Variants in RAPGEF6 observed in about 807,000 individuals in gnomAD.
RAPGEF6 encodes PDZ domain containing guanine nucleotide exchange factor (GEF) 2.
Under a neutral mutation model 171.4 loss-of-function variants are expected in RAPGEF6, and 56 were observed. The observed-to-expected ratio is 0.33, with a 90% CI of 0.26 to 0.41. The LOEUF (loss-of-function observed/expected upper bound fraction) is 0.41, where lower values mean the gene tolerates loss of function less well. Among genes scored for constraint, RAPGEF6 ranks in the 10% least tolerant of loss-of-function variants. The probability of loss-of-function intolerance (pLI) is 1.00; values close to 1 mark genes in which losing one functional copy is unlikely to be tolerated. For synonymous variants in RAPGEF6, 692 were observed against 650.1 expected (o/e 1.06, Z -0.98); for missense variants, 1,674 against 1,921.4 (o/e 0.87, Z 2.41).
chr5:131,532,011 A>G, intron 6 of RAPGEF6: 1 of 333,410 alleles, frequency 3.0e-6, no homozygotes, highest in East Asian at 8.6e-5. Flanking sequence ...TTTAAAGTTT[A>G]GAAAAGAGCG....
At chr5:131,530,250 C>G (rs1314814051) in intron 6 of RAPGEF6, among the ~76,000 whole-genome samples, 1 of 150,950 alleles carries the variant, frequency 6.6e-6, no homozygotes, top group Non-Finnish European at 1.5e-5. Flanking sequence ...ACACTGGAGG[C>G]CAGAAGACAG....
intron 6 of RAPGEF6, among the ~76,000 whole-genome samples, chr5:131,543,678 T>C: frequency 6.6e-6 from 1 of 152,182 alleles, no homozygotes; most frequent in Non-Finnish European, 1.5e-5. Flanking sequence ...AGATGAACTG[T>C]CCTCATCATT....
At chr5:131,506,624 A>G (rs1757387897) in intron 9 of RAPGEF6, among the ~76,000 whole-genome samples, 1 of 152,318 alleles carries the variant, frequency 6.6e-6, no homozygotes, top group Middle Eastern at 3.4e-3. Flanking sequence ...TATTATTTTA[A>G]AAATAAGATA....
At chr5:131,456,073 C>A in intron 19 of RAPGEF6, 61 bp from the exon 20 acceptor site, 1 of 1,189,796 alleles carries the variant, frequency 8.4e-7, no homozygotes, top group South Asian at 1.3e-5. Flanking sequence ...GGACTCAGGT[C>A]AGCATATACA....
intron 4 of RAPGEF6, among the ~76,000 whole-genome samples, chr5:131,581,129 A>G (rs1007603259): frequency 2.6e-5 from 4 of 152,210 alleles, no homozygotes; most frequent in Non-Finnish European, 5.9e-5. Context: ...CTCCAAGCTC[A>G]GGTTGACTCT....
At chr5:131,428,445 A>T (rs1052898387) in intron 27 of RAPGEF6, among the ~76,000 whole-genome samples, 4 of 151,000 alleles carry the variant, frequency 2.6e-5, no homozygotes, top group African/African-American at 2.4e-5. Flanking sequence ...ACACTCCCCC[A>T]TACTATATTT....
At chr5:131,429,569 C>G (rs897626619) in intron 26 of RAPGEF6, among the ~76,000 whole-genome samples, 4 of 152,098 alleles carry the variant, frequency 2.6e-5, no homozygotes, top group African/African-American at 9.7e-5. Context: ...TAAAAGTTCA[C>G]CCTACACACC....
chr5:131,476,911 A>T (rs1434079199), intron 16 of RAPGEF6, among the ~76,000 whole-genome samples: 1 of 152,220 alleles, frequency 6.6e-6, no homozygotes, highest in Non-Finnish European at 1.5e-5. Flanking sequence ...TTATAAACTT[A>T]TAACATTTTC....
rs1751680213 is a variant in RAPGEF6 at position 131,431,180 on chromosome 5, G to A, written c.4144C>T (p.Pro1382Ser). 1.2e-6 allele frequency: 2 copies of A among 1,614,168 alleles called. No homozygotes were observed. Among genetic ancestry groups the A allele is most frequent in the Non-Finnish European group, 1.7e-6 (2 of 1,180,024 alleles). The change falls in exon 26 of 28, where the codon CCA becomes TCA. Residue 1382 changes from proline (P) to serine (S), a missense_variant. Transcript: ENST00000509018. ...SHDNFQSLPN[P>S]KSWDFLNSYR... The stretch of plus-strand genomic sequence containing the variant: ...GAGTTCAAAAAATCCCAGCTTTTTG[G>A]GTTTGGAAGGCTTTGGAAGTTGTCA...
At chr5:131,432,575 G>A (rs1225499341) in intron 25 of RAPGEF6, among the ~76,000 whole-genome samples, 1 of 151,940 alleles carries the variant, frequency 6.6e-6, no homozygotes, top group Non-Finnish European at 1.5e-5. Context: ...CCGAGATCGC[G>A]CCAGTGCACT....
Position 131,431,229 on chromosome 5 carries a change from C to T in RAPGEF6, c.4095G>A (p.Trp1365Ter). The change falls in exon 26 of 28, where the codon TGG (tryptophan) becomes TGA (stop). Residue 1365 changes from tryptophan to a stop codon, truncating the protein, a stop_gained. Coordinates refer to ENST00000509018, the MANE Select transcript of RAPGEF6 (RefSeq NM_016340.6). LOFTEE classifies it high-confidence loss of function. ...IEAADSGRGS[W>*]TSCSSSSHDN... ...CATGGGAGCTGCTTGAACACGAAGT[C>T]CAACTTCCACGACCACTGTCAGCTG... 1 of 1,614,198 alleles carries T rather than the reference C, an allele frequency of 6.2e-7. No homozygotes were observed. Among genetic ancestry groups the T allele is most frequent in the Non-Finnish European group, 8.5e-7 (1 of 1,180,040 alleles).
chr5:131,619,715 G>C (rs944973605), intron 1 of RAPGEF6, among the ~76,000 whole-genome samples: 1 of 151,938 alleles, frequency 6.6e-6, no homozygotes, highest in Admixed American at 6.6e-5. Flanking sequence ...ATCTCTCTTC[G>C]AATTCTCTAC....
intron 16 of RAPGEF6, among the ~76,000 whole-genome samples, chr5:131,474,016 G>A (rs974844920): frequency 1.3e-5 from 2 of 152,116 alleles, no homozygotes; most frequent in African/African-American, 2.4e-5. Flanking sequence ...GGCAAATTTC[G>A]TTCTCTTTAT....
At chr5:131,610,910 T>C (rs1306504081) in intron 1 of RAPGEF6, among the ~76,000 whole-genome samples, 2 of 152,144 alleles carry the variant, frequency 1.3e-5, no homozygotes, top group Non-Finnish European at 2.9e-5. Flanking sequence ...ACAGGGAGTG[T>C]ATTTGAACAA....
chr5:131,627,999 T>C (rs1318263726), intron 1 of RAPGEF6, among the ~76,000 whole-genome samples: 1 of 152,248 alleles, frequency 6.6e-6, no homozygotes, highest in Admixed American at 6.5e-5. Flanking sequence ...TTCCACTGGC[T>C]GTTCCACCTT....
At chr5:131,486,127 G>A (rs1421253904) in intron 15 of RAPGEF6, among the ~76,000 whole-genome samples, 1 of 152,172 alleles carries the variant, frequency 6.6e-6, no homozygotes, top group Non-Finnish European at 1.5e-5. Flanking sequence ...GGTTTTCAAA[G>A]TCTCAATCCT....
intron 11 of RAPGEF6, among the ~76,000 whole-genome samples, chr5:131,503,911 A>C (rs1757184194): frequency 6.6e-6 from 1 of 152,192 alleles, no homozygotes; most frequent in South Asian, 2.1e-4. Context: ...CAGAGAAGTC[A>C]ATGCATATTT....
intron 19 of RAPGEF6, 136 bp from the exon 20 acceptor site, chr5:131,456,148 G>C: frequency 6.7e-6 from 4 of 594,346 alleles, no homozygotes; most frequent in Non-Finnish European, 2.9e-6. Context: ...ATAAACAAGA[G>C]AAAAACTGAG....
intron 7 of RAPGEF6, among the ~76,000 whole-genome samples, chr5:131,515,224 T>C (rs1048753622): frequency 1.3e-5 from 2 of 152,226 alleles, no homozygotes; most frequent in African/African-American, 4.8e-5. Context: ...CTCTCTTTTC[T>C]GTATTCCCAT....
Sources: allele counts gnomAD v4.1 joint callset (sites outside exome capture counted in the v4.1 genomes callset), GRCh38; gene constraint gnomAD v4.1.1; transcripts MANE v1.5; gene names NCBI Gene and HGNC (gene_info 2026-07-23, HGNC 2026-07-21).